CTNNA1: variants seen among roughly 807,000 people sequenced by gnomAD.
The protein encoded by CTNNA1 is catenin alpha-1.
CTNNA1 carries 37 observed loss-of-function variants against 98.4 expected under a neutral mutation model. That is an observed-to-expected ratio of 0.38 (90% CI 0.29 to 0.49). The LOEUF is 0.49. CTNNA1 is among the 20% of genes least tolerant of loss of function. The pLI is 0.95. For missense variants in CTNNA1, 761 were observed against 1,147.2 expected, an observed-to-expected ratio of 0.66 and a Z score of 4.86; for synonymous variants, 404 against 413.2, an observed-to-expected ratio of 0.98 and a Z score of 0.27.
At chr5:138,888,221 G>C (rs967658216) in intron 9 of CTNNA1, among the ~76,000 whole-genome samples, 1 of 152,198 alleles carries the variant, frequency 6.6e-6, no homozygotes, top group Non-Finnish European at 1.5e-5. Context: ...CTGTATGTTA[G>C]TAGTTGGTTT....
intron 3 of CTNNA1, among the ~76,000 whole-genome samples, chr5:138,788,515 A>G (rs1392723222): frequency 1.3e-5 from 2 of 152,204 alleles, no homozygotes; most frequent in Non-Finnish European, 2.9e-5. Context: ...TTGTACAGCT[A>G]TCACCATGAT....
chr5:138,874,988 A>T lies in CTNNA1; in HGVS notation c.1063-11224A>T. ...CAGTGAGTCTGTAAAAGGCTCTAAC[A>T]TGTAGGAGCCTTTGACCAGTTTCCT... On this transcript the variant is annotated intron_variant, in intron 7 of 17. Coordinates refer to ENST00000302763, the MANE Select transcript of CTNNA1 (RefSeq NM_001903.5). The surrounding 1 kb of genome is among the most constrained non-coding windows in gnomAD (Gnocchi z 4.1). 1.3e-6 allele frequency: 2 copies of T among 1,491,572 alleles called. No individual in the cohort carries two copies. Among genetic ancestry groups the T allele is most frequent in the Non-Finnish European group, 1.9e-6 (2 of 1,075,898 alleles). 92.4% of individuals were successfully genotyped at this position (1,491,572 alleles called of 1,614,324 possible). A position where few individuals can be genotyped will look rare whatever the true frequency, so the allele number is the denominator to read the frequency against.
At chr5:138,758,162 A>G (rs1751900069) in intron 1 of CTNNA1, among the ~76,000 whole-genome samples, 1 of 150,844 alleles carries the variant, frequency 6.6e-6, no homozygotes, top group Non-Finnish European at 1.5e-5. Context: ...ATGTGCCACC[A>G]CACCTGGCTA....
chr5:138,918,176 CT>C (rs1762199670), intron 11 of CTNNA1, among the ~76,000 whole-genome samples: 1 of 151,982 alleles, frequency 6.6e-6, no homozygotes, highest in Non-Finnish European at 1.5e-5. Context: ...CTGGCAAAGG[CT>C]TATCCCTGCT....
intron 7 of CTNNA1, among the ~76,000 whole-genome samples, chr5:138,858,594 CT>C (rs147487025): frequency 0.011 from 1,378 of 124,018 alleles, 12 homozygotes; most frequent in African/African-American, 0.037. Flanking sequence ...TTTTCTTTTT[CT>C]TTTTTTTTTT....
rs1758892567 is a variant in CTNNA1 at position 138,812,211 on chromosome 5, A to G, written c.497A>G (p.Asn166Ser). 6.2e-7 allele frequency: 1 copy of G among 1,613,766 alleles called. No individual in the cohort carries two copies. The highest frequency in any genetic ancestry group is 8.5e-7 in the Non-Finnish European group (1 of 1,179,804). The change falls in exon 5 of 18, where the codon AAT (asparagine) becomes AGT (serine). Residue 166 changes from asparagine to serine, a missense_variant. Physicochemically the swap from Asn to Ser is conservative, Grantham distance 46. Coordinates refer to ENST00000302763, the MANE Select transcript of CTNNA1 (RefSeq NM_001903.5). ...GAAGATGGTATCTTGAAGTTGAGGA[A>G]TGCTGGCAATGAACAAGACTTAGGA... is the stretch of plus-strand genomic sequence containing the variant. Reference protein sequence around the residue: ...VVEDGILKLRNAGNEQDLGIQ... With the variant: ...VVEDGILKLRSAGNEQDLGIQ...
chr5:138,758,055 G>A (rs1372808179), intron 1 of CTNNA1, among the ~76,000 whole-genome samples: 2 of 151,874 alleles, frequency 1.3e-5, no homozygotes, highest in Non-Finnish European at 2.9e-5. Context: ...TGCCCAGGCT[G>A]GAGTGCAATG....
intron 1 of CTNNA1, among the ~76,000 whole-genome samples, chr5:138,770,681 G>C (rs1033977280): frequency 6.6e-6 from 1 of 152,056 alleles, no homozygotes; most frequent in African/African-American, 2.4e-5. Flanking sequence ...CGCCGGGCGC[G>C]GTGGCTCATG....
chr5:138,889,257 C>T (rs911349731), intron 9 of CTNNA1, among the ~76,000 whole-genome samples: 3 of 152,150 alleles, frequency 2.0e-5, no homozygotes, highest in Non-Finnish European at 4.4e-5. Flanking sequence ...GAGGGCAGTC[C>T]TTGTCTGTAT....
intron 1 of CTNNA1, among the ~76,000 whole-genome samples, chr5:138,756,181 T>C (rs910802498): frequency 1.3e-5 from 2 of 151,834 alleles, no homozygotes; most frequent in East Asian, 1.9e-4. Flanking sequence ...GGATTACAGG[T>C]GTGTGCCAAC....
intron 3 of CTNNA1, among the ~76,000 whole-genome samples, chr5:138,797,006 A>AT (rs1325502910): frequency 6.6e-6 from 1 of 152,110 alleles, no homozygotes; most frequent in Non-Finnish European, 1.5e-5. Flanking sequence ...ATACCCATTT[A>AT]TTTTACCACT....
chr5:138,846,530 T>G (rs1450874797), intron 7 of CTNNA1, among the ~76,000 whole-genome samples: 1 of 152,222 alleles, frequency 6.6e-6, no homozygotes, highest in Non-Finnish European at 1.5e-5. Context: ...TCAGGCAATT[T>G]GTTCATCTTA....
intron 7 of CTNNA1, among the ~76,000 whole-genome samples, chr5:138,838,041 C>T (rs1561578944): frequency 6.6e-6 from 1 of 152,154 alleles, no homozygotes; most frequent in Non-Finnish European, 1.5e-5. Context: ...GCTGGGACTG[C>T]AGGTGTGCAC....
At chr5:138,755,845 C>CTTTT (rs60260246) in intron 1 of CTNNA1, among the ~76,000 whole-genome samples, 1,003 of 58,468 alleles carry the variant, frequency 0.017, 17 homozygotes, top group Middle Eastern at 0.044. Context: ...GGATTTCCTT[C>CTTTT]TTTTTTTTTT....
At chr5:138,754,940 T>A (rs2149559460) in intron 1 of CTNNA1, 1 of 152,288 alleles carries the variant, frequency 6.6e-6, no homozygotes, top group African/African-American at 2.4e-5. Flanking sequence ...GTATTTTTGG[T>A]AGAGATGGTG....
intron 4 of CTNNA1, 89 bp downstream of exon 4, chr5:138,810,293 T>A: frequency 6.8e-7 from 1 of 1,474,170 alleles, no homozygotes; most frequent in Non-Finnish European, 9.3e-7. Context: ...TAGGATTTAG[T>A]TTGGTTTTGA....
chr5:138,901,219 G>T (rs1047390632), intron 9 of CTNNA1, among the ~76,000 whole-genome samples: 1 of 151,752 alleles, frequency 6.6e-6, no homozygotes, highest in African/African-American at 2.4e-5. Flanking sequence ...GTGCAGTGGC[G>T]CCATCTCAGC....
At chr5:138,920,968 T>C (rs1244314136) in intron 11 of CTNNA1, among the ~76,000 whole-genome samples, 1 of 152,058 alleles carries the variant, frequency 6.6e-6, no homozygotes, top group Non-Finnish European at 1.5e-5. Context: ...GGGGGAACTT[T>C]GATCATTGTC....
chr5:138,887,926 A>G lies in CTNNA1; in HGVS notation c.1296+284A>G, dbSNP rs535425671. Among the ~76,000 whole-genome samples the G allele has an allele frequency of 1.4e-4, 22 of 152,318 alleles. No individual in the cohort carries two copies. In the South Asian group the frequency reaches 3.5e-3, roughly 24 times the overall value. On this transcript the variant is annotated intron_variant, in intron 9 of 17. Transcript: ENST00000302763. ...ATCATGACATGACTAGACTCAAAAG[A>G]TAGGATAGAAAGCAACAATGCCTAA...
Sources: allele counts gnomAD v4.1 joint callset (sites outside exome capture counted in the v4.1 genomes callset), GRCh38; gene constraint gnomAD v4.1.1; non-coding constraint Gnocchi (gnomAD v3.1); transcripts MANE v1.5; gene names NCBI Gene and HGNC (gene_info 2026-07-23, HGNC 2026-07-21).